Variants in XIRP2 observed in about 807,000 individuals in gnomAD.
The protein encoded by XIRP2 is xin actin-binding repeat-containing protein 2.
Under a neutral mutation model 277.0 loss-of-function variants are expected in XIRP2, and 236 were observed. The observed-to-expected ratio is 0.85, with a 90% CI of 0.77 to 0.95. The LOEUF is 0.95. Among genes scored for constraint, XIRP2 ranks in the 40% least tolerant of loss-of-function variants. The probability of loss-of-function intolerance (pLI) is 0.00; values close to 1 mark genes in which losing one functional copy is unlikely to be tolerated. For synonymous variants in XIRP2, 1,490 were observed against 1,416.5 expected (o/e 1.05, Z -1.17); for missense variants, 4,640 against 4,157.5 (o/e 1.12, Z -3.19).
chr2:167,154,461 T>A (rs1692121934), intron 3 of XIRP2, among the ~76,000 whole-genome samples: 1 of 150,828 alleles, frequency 6.6e-6, no homozygotes, highest in Admixed American at 6.6e-5. Flanking sequence ...GCTTTTGGTG[T>A]TTTAGACATG....
chr2:167,219,375 G>T (rs1169351303), intron 5 of XIRP2, among the ~76,000 whole-genome samples: 1 of 152,032 alleles, frequency 6.6e-6, no homozygotes, highest in Non-Finnish European at 1.5e-5. Flanking sequence ...AGATGTGTGT[G>T]TTTAAACTGG....
intron 3 of XIRP2, among the ~76,000 whole-genome samples, chr2:167,158,860 A>T (rs907935998): frequency 3.3e-5 from 5 of 152,202 alleles, no homozygotes; most frequent in Admixed American, 6.5e-5. Flanking sequence ...TAAAATAATT[A>T]TTAACTATAA....
chr2:166,995,332 T>C (rs1164868224), intron 2 of XIRP2, among the ~76,000 whole-genome samples: 1 of 152,190 alleles, frequency 6.6e-6, no homozygotes, highest in Non-Finnish European at 1.5e-5. Flanking sequence ...GCAAAAACGT[T>C]AGTGACCTCT....
At chr2:167,051,846 T>A (rs1194327965) in intron 2 of XIRP2, among the ~76,000 whole-genome samples, 1 of 152,136 alleles carries the variant, frequency 6.6e-6, no homozygotes, top group Non-Finnish European at 1.5e-5. Context: ...TTTCTGTAAC[T>A]GTAAATTTGC....
intron 2 of XIRP2, among the ~76,000 whole-genome samples, chr2:166,908,771 C>A (rs1229688032): frequency 1.3e-5 from 2 of 152,252 alleles, no homozygotes; most frequent in East Asian, 3.9e-4. Context: ...ACTCTTTAAT[C>A]CATCTTGAAT....
At chr2:167,149,558 G>T (rs972919249) in intron 3 of XIRP2, among the ~76,000 whole-genome samples, 22 of 152,058 alleles carry the variant, frequency 1.4e-4, no homozygotes, top group African/African-American at 5.3e-4. Flanking sequence ...TTAGTACTTA[G>T]GCAATAGTCT....
intron 2 of XIRP2, among the ~76,000 whole-genome samples, chr2:167,085,069 T>G (rs2105267123): frequency 2.3e-5 from 3 of 129,878 alleles, no homozygotes; most frequent in Middle Eastern, 7.7e-3. Context: ...TGCTTTCTCT[T>G]GTGGGCATTT....
chr2:167,000,057 C>T lies in XIRP2; in HGVS notation c.408+96167C>T, dbSNP rs1322809555. On this transcript the variant is annotated intron_variant, in intron 2 of 10. Coordinates refer to ENST00000409195, the MANE Select transcript of XIRP2 (RefSeq NM_152381.6). ...ATTTGAAATGTGTGATTGCAGAAAA[C>T]CCAACCCTGATAATAGTGTAAAACA... Among the ~76,000 whole-genome samples, 11 of 152,210 alleles carry T rather than the reference C, an allele frequency of 7.2e-5. 1 individual carries two copies. In the South Asian group the frequency reaches 1.2e-3, roughly 17 times the overall value.
At chr2:167,161,863 C>CTT (rs1032525601) in intron 3 of XIRP2, among the ~76,000 whole-genome samples, 4 of 152,182 alleles carry the variant, frequency 2.6e-5, no homozygotes, top group Non-Finnish European at 4.4e-5. Context: ...TTTCCAAACT[C>CTT]TTATGCTCTG....
At chr2:167,148,147 C>T (rs751895551) in intron 3 of XIRP2, among the ~76,000 whole-genome samples, 2 of 151,836 alleles carry the variant, frequency 1.3e-5, no homozygotes, top group African/African-American at 2.4e-5. Flanking sequence ...TTTGGGAGGT[C>T]GAGGCAGGTG....
intron 2 of XIRP2, among the ~76,000 whole-genome samples, chr2:166,916,421 CATG>C (rs765529987): frequency 1.0e-3 from 157 of 152,194 alleles, no homozygotes; most frequent in Non-Finnish European, 1.0e-3. Flanking sequence ...TTCTGTCAAG[CATG>C]ATGTATTTCT....
chr2:167,087,438 G>A (rs1437418722), intron 2 of XIRP2, among the ~76,000 whole-genome samples: 1 of 152,164 alleles, frequency 6.6e-6, no homozygotes, highest in African/African-American at 2.4e-5. Context: ...TACAGAGGCA[G>A]GCAGGCCTCC....
Position 167,248,906 on chromosome 2 carries a change from C to G in XIRP2, c.7514C>G (p.Pro2505Arg), listed in dbSNP as rs752628213. Reference sequence around the variant, plus strand: ...GCAAACTGTCTCTCACACACAGTTCCAGGAACTTCAGCACCCAGGAAAAAA... The same window carrying G: ...GCAAACTGTCTCTCACACACAGTTCGAGGAACTTCAGCACCCAGGAAAAAA... ...DSANCLSHTVPGTSAPRKKQI... is the reference protein window; with the variant it reads ...DSANCLSHTVRGTSAPRKKQI... The change falls in exon 9 of 11, where the codon CCA (proline) becomes CGA (arginine). Residue 2505 changes from proline (P) to arginine (R), a missense_variant. Coordinates refer to ENST00000409195, the MANE Select transcript of XIRP2 (RefSeq NM_152381.6). 13 of 1,613,630 alleles carry G rather than the reference C, an allele frequency of 8.1e-6. No homozygotes were observed. The African/African-American group carries it at 1.7e-4, about 22-fold the overall frequency.
intron 2 of XIRP2, among the ~76,000 whole-genome samples, chr2:166,955,533 G>C (rs555465695): frequency 1.3e-5 from 2 of 151,792 alleles, no homozygotes; most frequent in South Asian, 4.2e-4. Context: ...ACTACAAAAA[G>C]CATTGACCCA....
At chr2:166,920,679 C>T (rs1239682091) in intron 2 of XIRP2, among the ~76,000 whole-genome samples, 1 of 152,098 alleles carries the variant, frequency 6.6e-6, no homozygotes, top group Non-Finnish European at 1.5e-5. Flanking sequence ...TGTTTTGAAT[C>T]ATGTAAGAAA....
chr2:167,084,336 G>C (rs1367221935), intron 2 of XIRP2, among the ~76,000 whole-genome samples: 1 of 151,988 alleles, frequency 6.6e-6, no homozygotes, highest in East Asian at 1.9e-4. Context: ...TGCTGGATTC[G>C]TTTTGCCAGT....
At chr2:166,978,034 G>T (rs570399503) in intron 2 of XIRP2, among the ~76,000 whole-genome samples, 5 of 152,176 alleles carry the variant, frequency 3.3e-5, no homozygotes, top group Middle Eastern at 6.8e-3. Context: ...GTGTATGTTT[G>T]CATGTGTGTG....
chr2:167,251,061 T>C lies in XIRP2; in HGVS notation c.9669T>C (p.Arg3223=). The stretch of plus-strand genomic sequence containing the variant: ...TCATGTCTCCTGCAACACTTCGTCG[T>C]CAAATTAAGATAGAAACTCGTGGTA... ...EIIMSPATLR[R]QIKIETRGRD... Residue 3223 remains arginine (R), a synonymous_variant, in exon 9 of 11, where the codon CGT becomes CGC. Transcript: ENST00000409195. The C allele has an allele frequency of 6.2e-7, 1 of 1,613,592 alleles. No individual in the cohort carries two copies. Among genetic ancestry groups the C allele is most frequent in the Non-Finnish European group, 8.5e-7 (1 of 1,179,728 alleles).
intron 3 of XIRP2, 34 bp downstream of exon 3, chr2:167,136,096 T>C: frequency 6.4e-7 from 1 of 1,553,312 alleles, no homozygotes; most frequent in Non-Finnish European, 8.7e-7. Context: ...TTTCTTGACA[T>C]CATACCTTGT....
Sources: gnomAD v4.1 joint callset for allele counts (sites outside exome capture counted in the v4.1 genomes callset) on GRCh38, gnomAD v4.1.1 for gene constraint, MANE v1.5 for transcripts, NCBI Gene and HGNC (gene_info 2026-07-23, HGNC 2026-07-21) for gene names.